Variants in CDH12 observed in about 807,000 individuals in gnomAD.
CDH12 encodes cadherin-12.
CDH12 carries 41 observed loss-of-function variants against 74.1 expected under a neutral mutation model. The ratio of observed to expected loss-of-function variants is 0.55; its 90% CI spans 0.43 to 0.72. The LOEUF (loss-of-function observed/expected upper bound fraction) is 0.72, where lower values mean the gene tolerates loss of function less well. Ranked by LOEUF, CDH12 falls within the 30% of genes least tolerant of loss-of-function variation. The pLI is 0.00. For synonymous variants in CDH12, 399 were observed against 355.0 expected, an observed-to-expected ratio of 1.12 and a Z score of -1.39; for missense variants, 945 against 977.2, an observed-to-expected ratio of 0.97 and a Z score of 0.44.
chr5:22,109,501 A>G (rs375283132), intron 4 of CDH12, among the ~76,000 whole-genome samples: 1 of 152,212 alleles, frequency 6.6e-6, no homozygotes, highest in African/African-American at 2.4e-5. Context: ...TGCTGTCACT[A>G]TGAGTAATGA....
chr5:22,164,256 G>C (rs571410239), intron 4 of CDH12, among the ~76,000 whole-genome samples: 1 of 152,172 alleles, frequency 6.6e-6, no homozygotes, highest in Non-Finnish European at 1.5e-5. Context: ...CTTGGGCCAT[G>C]CAGTGAGTGT....
intron 7 of CDH12, 79 bp downstream of exon 7, chr5:21,854,592 A>C (rs575239558): frequency 8.4e-7 from 1 of 1,197,496 alleles, no homozygotes; most frequent in African/African-American, 1.5e-5. Context: ...TAGAATATGC[A>C]ACTCCCCATG....
chr5:22,489,152 G>A (rs1251308203), intron 2 of CDH12, among the ~76,000 whole-genome samples: 1 of 141,958 alleles, frequency 7.0e-6, no homozygotes, highest in Non-Finnish European at 1.5e-5. Context: ...CCACCTCCTG[G>A]GTTCACGCCA....
At chr5:22,777,080 G>A (rs955697132) in intron 1 of CDH12, among the ~76,000 whole-genome samples, 1 of 152,012 alleles carries the variant, frequency 6.6e-6, no homozygotes, top group Non-Finnish European at 1.5e-5. Context: ...AAAGTTAGGT[G>A]TGATAACTTT....
chr5:22,012,109 AATT>A (rs1424067758), intron 5 of CDH12, among the ~76,000 whole-genome samples: 32 of 148,964 alleles, frequency 2.1e-4, no homozygotes, highest in Non-Finnish European at 3.8e-4. Context: ...AATTTTCTTT[AATT>A]ATTAACGATT....
rs377689903 is a variant in CDH12 at position 22,273,617 on chromosome 5, C to T, written c.-332-60974G>A. Among the ~76,000 whole-genome samples, 8 of 152,162 alleles carry T rather than the reference C, an allele frequency of 5.3e-5. No homozygotes were observed. In the East Asian group the frequency reaches 1.2e-3, roughly 22 times the overall value. On this transcript the variant is annotated intron_variant, in intron 3 of 14. Transcript: ENST00000382254. ...GAGAACTCTCAGCGTCTTTTCCGTG[C>T]ATTTCCTACCTGAAGAAGAAAAAGT...
At chr5:22,337,806 G>A (rs1346748954) in intron 3 of CDH12, among the ~76,000 whole-genome samples, 1 of 152,172 alleles carries the variant, frequency 6.6e-6, no homozygotes, top group African/African-American at 2.4e-5. Flanking sequence ...TTGCAAACAG[G>A]TATATGAAAA....
Position 22,153,882 on chromosome 5 carries a change from A to ATATATGTATATG in CDH12, c.-187+58615_-187+58616insCATATACATATA, listed in dbSNP as rs1747799429. Among the ~76,000 whole-genome samples, 5 of 49,618 alleles carry ATATATGTATATG rather than the reference A, an allele frequency of 1.0e-4. No individual in the cohort carries two copies. In the South Asian group the frequency reaches 5.3e-3, roughly 53 times the overall value. 32.6% of individuals were successfully genotyped at this position (49,618 alleles called of 152,430 possible). On this transcript the variant is annotated intron_variant, in intron 4 of 14. Coordinates refer to ENST00000382254, the MANE Select transcript of CDH12 (RefSeq NM_004061.5). ...TGTATATATATATATGTATATATAT[A>ATATATGTATATG]TATATAAATATATATATATATACAC...
At chr5:22,283,249 T>TACACACAC (rs1482276211) in intron 3 of CDH12, among the ~76,000 whole-genome samples, 1 of 116,208 alleles carries the variant, frequency 8.6e-6, no homozygotes, top group African/African-American at 3.5e-5. Flanking sequence ...TATATATATA[T>TACACACAC]ATACACACAC....
At chr5:22,496,300 C>A (rs1367368628) in intron 2 of CDH12, among the ~76,000 whole-genome samples, 2 of 152,116 alleles carry the variant, frequency 1.3e-5, no homozygotes, top group Admixed American at 6.5e-5. Flanking sequence ...GTGAATTACC[C>A]ATTTAATCCT....
chr5:22,488,845 A>C (rs1035015276), intron 2 of CDH12, among the ~76,000 whole-genome samples: 21 of 149,282 alleles, frequency 1.4e-4, no homozygotes, highest in African/African-American at 5.4e-4. Context: ...TCTACTGGCC[A>C]ATACTGGTAC....
At chr5:22,572,795 A>G (rs1739604098) in intron 1 of CDH12, among the ~76,000 whole-genome samples, 1 of 152,188 alleles carries the variant, frequency 6.6e-6, no homozygotes, top group African/African-American at 2.4e-5. Context: ...TCTATATTCT[A>G]TTGAGTGTTC....
chr5:22,000,454 G>C (rs1318652861), intron 5 of CDH12, among the ~76,000 whole-genome samples: 11 of 152,152 alleles, frequency 7.2e-5, no homozygotes. Context: ...GTCTCAGAAA[G>C]AGCAGGAGGA....
chr5:22,464,146 A>G (rs769625145), intron 2 of CDH12, among the ~76,000 whole-genome samples: 26 of 152,228 alleles, frequency 1.7e-4, no homozygotes, highest in Non-Finnish European at 3.1e-4. Context: ...TCCCCTGCAC[A>G]AGCTCTGTCT....
intron 3 of CDH12, among the ~76,000 whole-genome samples, chr5:22,386,687 G>C (rs1445684779): frequency 6.6e-6 from 1 of 151,832 alleles, no homozygotes; most frequent in Non-Finnish European, 1.5e-5. Flanking sequence ...TATTTTTACA[G>C]AGTAACTGAA....
chr5:22,394,927 C>A (rs994716348), intron 3 of CDH12, among the ~76,000 whole-genome samples: 2 of 151,978 alleles, frequency 1.3e-5, no homozygotes, highest in Admixed American at 6.6e-5. Context: ...CCAAGTATGC[C>A]GGGATAGGTT....
At chr5:22,082,933 T>C (rs1742837485) in intron 4 of CDH12, among the ~76,000 whole-genome samples, 1 of 152,232 alleles carries the variant, frequency 6.6e-6, no homozygotes, top group Non-Finnish European at 1.5e-5. Flanking sequence ...CTTGTATCCA[T>C]GTTATCAAAT....
rs427666 is a variant in CDH12, at chr5:22,494,874, T to A, written c.-428+10396A>T. ...TGAGGCTGGAGAATTCAATTTAAGG[T>A]GTAGTGATACCCCGGATACATTCAT... On this transcript the variant is annotated intron_variant, in intron 2 of 14. Transcript: ENST00000382254. Among the ~76,000 whole-genome samples the A allele has an allele frequency of 1.4e-4, 21 of 152,232 alleles. No individual in the cohort carries two copies. The South Asian group carries it at 3.5e-3, about 26-fold the overall frequency.
At chr5:22,742,220 GAGAA>G (rs1745064319) in intron 1 of CDH12, among the ~76,000 whole-genome samples, 1 of 151,304 alleles carries the variant, frequency 6.6e-6, no homozygotes, top group Non-Finnish European at 1.5e-5. Context: ...GGAAGAGAGA[GAGAA>G]AGAAAGAGAG....
Sources: allele counts gnomAD v4.1 joint callset (sites outside exome capture counted in the v4.1 genomes callset), GRCh38; gene constraint gnomAD v4.1.1; transcripts MANE v1.5; gene names NCBI Gene and HGNC (gene_info 2026-07-23, HGNC 2026-07-21).